The following CACNB2 variants were observed in gnomAD, a reference collection of about 807,000 sequenced individuals.
CACNB2 encodes the protein voltage-dependent L-type calcium channel subunit beta-2.
A neutral mutation model predicts 73.3 loss-of-function variants in CACNB2; 42 were observed. That is an observed-to-expected ratio of 0.57 (90% confidence interval 0.45 to 0.74). The LOEUF (loss-of-function observed/expected upper bound fraction) is 0.74. Among genes scored for constraint, CACNB2 ranks in the 30% least tolerant of loss-of-function variants. The pLI is 0.00. For missense variants in CACNB2, 940 were observed against 853.0 expected (o/e 1.10, Z -1.27); for synonymous variants, 348 against 310.3 (o/e 1.12, Z -1.28).
At chr10:18,274,381 T>C (rs2038187176) in intron 2 of CACNB2, among the ~76,000 whole-genome samples, 1 of 152,206 alleles carries the variant, frequency 6.6e-6, no homozygotes, top group South Asian at 2.1e-4. Context: ...CTTAAGGTTG[T>C]GCAAGAAGCT....
At chr10:18,255,296 C>T (rs1202384622) in intron 2 of CACNB2, among the ~76,000 whole-genome samples, 2 of 152,160 alleles carry the variant, frequency 1.3e-5, no homozygotes, top group South Asian at 2.1e-4. Flanking sequence ...CCTTCTACCA[C>T]GTAGAGCTTC....
chr10:18,478,212 G>A (rs901336991), intron 3 of CACNB2, among the ~76,000 whole-genome samples: 7 of 152,152 alleles, frequency 4.6e-5, no homozygotes, highest in East Asian at 1.9e-4. Context: ...GATTACAGGC[G>A]TGAGCCACCA....
chr10:18,202,620 T>C (rs1340094928), intron 2 of CACNB2, among the ~76,000 whole-genome samples: 1 of 152,230 alleles, frequency 6.6e-6, no homozygotes, highest in Non-Finnish European at 1.5e-5. Context: ...TTTAGTATAG[T>C]TCCTGGAACA....
At chr10:18,171,483 G>A (rs988532971) in intron 2 of CACNB2, among the ~76,000 whole-genome samples, 3 of 127,206 alleles carry the variant, frequency 2.4e-5, no homozygotes, top group Non-Finnish European at 4.7e-5. Context: ...CATGGCAGTT[G>A]GAAGCTCCAG....
chr10:18,338,640 CTTCT>C (rs990243739), intron 2 of CACNB2, among the ~76,000 whole-genome samples: 15 of 137,422 alleles, frequency 1.1e-4, no homozygotes, highest in South Asian at 2.4e-4. Context: ...CCCTTCCTTC[CTTCT>C]TTCTTTCTCT....
intron 2 of CACNB2, among the ~76,000 whole-genome samples, chr10:18,213,422 G>A (rs975520107): frequency 2.0e-5 from 3 of 152,102 alleles, no homozygotes; most frequent in African/African-American, 7.2e-5. Flanking sequence ...GGTAGCTTTC[G>A]GAATCTGTTA....
Position 18,357,234 on chromosome 10 carries a change from C to T in CACNB2, c.214-44690C>T, listed in dbSNP as rs148921050. 2.1e-3 allele frequency among the ~76,000 whole-genome samples: 321 copies of T among 152,160 alleles called. 1 individual carries two copies. The highest frequency in any genetic ancestry group is 7.2e-3 in the African/African-American group (301 of 41,518). ...CTGGGATTACAGGCGTGAGCCACCG[C>T]GCCCGGCTGACTCAATTTCTTTTAC... On this transcript the variant is annotated intron_variant, in intron 2 of 13. Transcript: ENST00000324631.
chr10:18,482,505 T>G (rs1377165437), intron 3 of CACNB2, among the ~76,000 whole-genome samples: 1 of 151,942 alleles, frequency 6.6e-6, no homozygotes, highest in African/African-American at 2.4e-5. Flanking sequence ...TTTTTTTCTG[T>G]TTTTTGTTTG....
intron 2 of CACNB2, among the ~76,000 whole-genome samples, chr10:18,179,141 A>G (rs1462923666): frequency 6.6e-6 from 1 of 152,238 alleles, no homozygotes; most frequent in Non-Finnish European, 1.5e-5. Context: ...ACACTATAAA[A>G]TAAATGTCAA....
At chr10:18,420,492 G>A (rs1355432424) in intron 3 of CACNB2, among the ~76,000 whole-genome samples, 2 of 152,220 alleles carry the variant, frequency 1.3e-5, no homozygotes, top group South Asian at 2.1e-4. Context: ...AGAAAAGATC[G>A]ATGGATGTCT....
chr10:18,173,648 T>A (rs1249775234), intron 2 of CACNB2, among the ~76,000 whole-genome samples: 1 of 152,202 alleles, frequency 6.6e-6, no homozygotes, highest in East Asian at 1.9e-4. Flanking sequence ...GCTCTTGGAA[T>A]TAGCATTATA....
chr10:18,436,310 T>C (rs1409485254), intron 3 of CACNB2, among the ~76,000 whole-genome samples: 1 of 152,246 alleles, frequency 6.6e-6, no homozygotes, highest in Non-Finnish European at 1.5e-5. Flanking sequence ...ATTTCAAGTA[T>C]ACTTTGCTAA....
chr10:18,361,668 A>G (rs994663767), intron 2 of CACNB2, among the ~76,000 whole-genome samples: 3 of 146,396 alleles, frequency 2.0e-5, no homozygotes, highest in African/African-American at 7.6e-5. Context: ...GCTGGAGTGC[A>G]AGTGGCATGA....
rs145054577 is a variant in CACNB2, at chr10:18,173,786, T to G, written c.213+22811T>G. 5.3e-3 allele frequency among the ~76,000 whole-genome samples: 803 copies of G among 152,310 alleles called. 6 individuals carry two copies. The highest frequency in any genetic ancestry group is 0.018 in the African/African-American group (754 of 41,570). ...GTTTTGTTGATATTAAGTTTGTATC[T>G]GGTGGTAGGGCTGTGTCTGTTATAT... On this transcript the variant is annotated intron_variant, in intron 2 of 13. Transcript: ENST00000324631.
chr10:18,151,599 G>C (rs1249076757), intron 2 of CACNB2, among the ~76,000 whole-genome samples: 1 of 152,076 alleles, frequency 6.6e-6, no homozygotes, highest in Non-Finnish European at 1.5e-5. Flanking sequence ...GCTTATATAT[G>C]GTAACAGAAA....
At chr10:18,518,492 C>G in intron 8 of CACNB2, 76 bp downstream of exon 8, 1 of 1,029,096 alleles carries the variant, frequency 9.7e-7, no homozygotes, top group Non-Finnish European at 1.5e-6. Flanking sequence ...ACTCCCGACC[C>G]TCTCTCTGAA....
intron 2 of CACNB2, among the ~76,000 whole-genome samples, chr10:18,182,899 C>T (rs1399220537): frequency 6.6e-6 from 1 of 151,806 alleles, no homozygotes; most frequent in African/African-American, 2.4e-5. Flanking sequence ...GTCTTTTTAC[C>T]CAAATCCTTT....
chr10:18,153,921 C>T (rs542631489), intron 2 of CACNB2, among the ~76,000 whole-genome samples: 1 of 149,662 alleles, frequency 6.7e-6, no homozygotes, highest in South Asian at 2.2e-4. Flanking sequence ...AATACCTTTA[C>T]ATGTTGTTTT....
At chr10:18,362,657 G>A (rs902051631) in intron 2 of CACNB2, among the ~76,000 whole-genome samples, 1 of 152,170 alleles carries the variant, frequency 6.6e-6, no homozygotes, top group Non-Finnish European at 1.5e-5. Context: ...AATGCATGTA[G>A]AGGCTGGGCG....
Sources: gnomAD v4.1 joint callset for allele counts (sites outside exome capture counted in the v4.1 genomes callset) on GRCh38, gnomAD v4.1.1 for gene constraint, MANE v1.5 for transcripts, NCBI Gene and HGNC (gene_info 2026-07-23, HGNC 2026-07-21) for gene names.